Variants in PTGR3 observed in about 807,000 individuals in gnomAD.
PTGR3 encodes prostaglandin reductase 3, also known as zinc binding alcohol dehydrogenase domain containing 2.
the PTGR3 span, chr18:75,196,981 A>T: frequency 6.6e-6 from 1 of 152,124 alleles, no homozygotes; most frequent in Non-Finnish European, 1.5e-5. Flanking sequence ...ATCAACTACT[A>T]CTAAGAATCA....
At chr18:75,201,758 C>T in the PTGR3 span, 4 of 1,614,216 alleles carry the variant, frequency 2.5e-6, no homozygotes, top group Non-Finnish European at 3.4e-6. Context: ...CTATCAAGCG[C>T]CCTTTCGTAG....
chr18:75,202,094 G>T, the PTGR3 span: 1 of 1,614,022 alleles, frequency 6.2e-7, no homozygotes, highest in Non-Finnish European at 8.5e-7. Flanking sequence ...TTACCAGCAG[G>T]GTAAGATACT....
the PTGR3 span, chr18:75,209,123 C>G: frequency 5.2e-6 from 7 of 1,358,540 alleles, 1 homozygote; most frequent in Admixed American, 1.2e-4. The surrounding 1 kb of genome is among the most constrained non-coding windows in gnomAD (Gnocchi z 4.7). Flanking sequence ...CCGGGCCGCT[C>G]GGCTCGGCTG....
the PTGR3 span, chr18:75,199,750 G>A: frequency 1.3e-5 from 2 of 152,602 alleles, no homozygotes; most frequent in East Asian, 3.9e-4. Context: ...ACTCAAAAGC[G>A]TCACAGTGGC....
chr18:75,207,798 G>C, the PTGR3 span, among the ~76,000 whole-genome samples: 1 of 152,198 alleles, frequency 6.6e-6, no homozygotes, highest in East Asian at 1.9e-4. Context: ...TTGTCCTTCA[G>C]TCCGTGCAAG....
At chr18:75,208,720 C>T in the PTGR3 span, 1 of 1,002,968 alleles carries the variant, frequency 1.0e-6, no homozygotes, top group Non-Finnish European at 1.3e-6. Context: ...ATCTCGCAAA[C>T]TCAGGCTGTG....
chr18:75,198,999 A>T, the PTGR3 span: 5 of 152,606 alleles, frequency 3.3e-5, no homozygotes. Flanking sequence ...CAAAAGAATA[A>T]AAAAAAGTTT....
At chr18:75,206,991 G>T in the PTGR3 span, among the ~76,000 whole-genome samples, 1 of 152,212 alleles carries the variant, frequency 6.6e-6, no homozygotes, top group South Asian at 2.1e-4. Context: ...TTGGGGAAGG[G>T]GAAAGGGAGG....
chr18:75,204,701 C>G, the PTGR3 span, among the ~76,000 whole-genome samples: 2 of 152,122 alleles, frequency 1.3e-5, no homozygotes, highest in Non-Finnish European at 2.9e-5. Flanking sequence ...ACCGCGCAGG[C>G]CCGGCGCCGC....
chr18:75,199,454 T>C, the PTGR3 span: 5 of 152,254 alleles, frequency 3.3e-5, no homozygotes, highest in African/African-American at 1.2e-4. Context: ...TTAAATTTAA[T>C]AATATTCTTT....
At chr18:75,199,833 T>C in the PTGR3 span, 9 of 152,678 alleles carry the variant, frequency 5.9e-5, no homozygotes, top group African/African-American at 2.2e-4. Context: ...GGCAGCTATT[T>C]ACCGTGACAT....
chr18:75,201,295 C>G, the PTGR3 span: 1 of 866,652 alleles, frequency 1.2e-6, no homozygotes, highest in Non-Finnish European at 1.7e-6. Context: ...TTCATTAACA[C>G]CTTACTTTTG....
chr18:75,199,710 C>G, the PTGR3 span: 1 of 152,652 alleles, frequency 6.6e-6, no homozygotes, highest in Non-Finnish European at 1.5e-5. Context: ...ACACAAAGAG[C>G]CTCGCATCAG....
At chr18:75,201,997 T>C in the PTGR3 span, 1 of 1,614,202 alleles carries the variant, frequency 6.2e-7, no homozygotes, top group Non-Finnish European at 8.5e-7. Context: ...AACTGGCCCG[T>C]TCCCCCAGCT....
At chr18:75,207,324 A>C in the PTGR3 span, among the ~76,000 whole-genome samples, 1 of 152,238 alleles carries the variant, frequency 6.6e-6, no homozygotes, top group Non-Finnish European at 1.5e-5. Context: ...TCAGAAGGAG[A>C]AAAAGGGAAA....
chr18:75,208,764 G>T, the PTGR3 span: 3 of 1,208,116 alleles, frequency 2.5e-6, no homozygotes, highest in East Asian at 6.7e-5. Flanking sequence ...GGGCACGCGG[G>T]CGGGCTGGGG....
chr18:75,202,088 C>T, the PTGR3 span: 4 of 1,614,040 alleles, frequency 2.5e-6, no homozygotes, highest in East Asian at 2.2e-5. Flanking sequence ...TGCCACTTAC[C>T]AGCAGGGTAA....
chr18:75,197,996 G>A, the PTGR3 span: 1 of 151,932 alleles, frequency 6.6e-6, no homozygotes, highest in South Asian at 2.1e-4. Flanking sequence ...ACATGGTAAA[G>A]TAATCAAGAA....
chr18:75,205,081 C>G, the PTGR3 span: 1 of 906,990 alleles, frequency 1.1e-6, no homozygotes, highest in Non-Finnish European at 1.3e-6. Context: ...CCTTGGTCTC[C>G]CTGCCTCCGG....
Sources: allele counts gnomAD v4.1 joint callset (sites outside exome capture counted in the v4.1 genomes callset), GRCh38; gene constraint gnomAD v4.1.1; non-coding constraint Gnocchi (gnomAD v3.1); transcripts MANE v1.5; gene names NCBI Gene and HGNC (gene_info 2026-07-23, HGNC 2026-07-21).